PCDHGA7: variants seen among roughly 807,000 people sequenced by gnomAD.
PCDHGA7 encodes protocadherin gamma subfamily A, 7, also known as protocadherin gamma-A7.
Under a neutral mutation model 58.3 loss-of-function variants are expected in PCDHGA7, and 44 were observed. The ratio of observed to expected loss-of-function variants is 0.75; its 90% confidence interval spans 0.59 to 0.97. The LOEUF (loss-of-function observed/expected upper bound fraction) is 0.97. Ranked by LOEUF, PCDHGA7 falls within the 50% of genes least tolerant of loss-of-function variation. The pLI is 0.00. For synonymous variants in PCDHGA7, 516 were observed against 504.2 expected, an observed-to-expected ratio of 1.02 and a Z score of -0.31; for missense variants, 1,266 against 1,188.7, an observed-to-expected ratio of 1.06 and a Z score of -0.96.
At chr5:141,474,212 C>T (rs892802269) in intron 1 of PCDHGA7, among the ~76,000 whole-genome samples, 5 of 152,078 alleles carry the variant, frequency 3.3e-5, no homozygotes, top group African/African-American at 1.2e-4. Flanking sequence ...TTTCAAAAAC[C>T]AGATTGTGAA....
chr5:141,419,067 A>C (rs2096321794), intron 1 of PCDHGA7: 2 of 1,613,956 alleles, frequency 1.2e-6, no homozygotes, highest in African/African-American at 1.3e-5. Flanking sequence ...AATTACTACA[A>C]GCTAGTAACA....
chr5:141,393,858 A>C lies in PCDHGA7; in HGVS notation c.2424+8535A>C, dbSNP rs777304987. 5 of 1,613,912 alleles carry C rather than the reference A, an allele frequency of 3.1e-6. No homozygotes were observed. The South Asian group carries it at 3.3e-5, about 11-fold the overall frequency. Reference sequence around the variant, plus strand: ...AAATGACAATAGACCAGAAGTGATCATTACGTCTTTGTTTAGCCCAGTGTT... The same window carrying C: ...AAATGACAATAGACCAGAAGTGATCCTTACGTCTTTGTTTAGCCCAGTGTT... On this transcript the variant is annotated intron_variant, in intron 1 of 3. Coordinates refer to ENST00000518325, the MANE Select transcript of PCDHGA7 (RefSeq NM_018920.4).
chr5:141,403,377 T>A, intron 1 of PCDHGA7: 1 of 1,614,016 alleles, frequency 6.2e-7, no homozygotes. Flanking sequence ...GAAGTAAAAA[T>A]TAACGAAATC....
Position 141,383,346 on chromosome 5 carries a change from G to A in PCDHGA7, c.447G>A (p.Gly149=). 1.9e-6 allele frequency: 3 copies of A among 1,614,018 alleles called. No homozygotes were observed. Among genetic ancestry groups the A allele is most frequent in the Non-Finnish European group, 2.5e-6 (3 of 1,179,894 alleles). ...AAATAATGGAGAATACAGCTCCTGG[G>A]GTTCGGTTTCCGTTAAGCGAGGCTG... ...NVKIMENTAP[G]VRFPLSEAGD... is the part of the protein sequence containing the mutation. The change falls in exon 1 of 4, where the codon GGG becomes GGA. Residue 149 remains glycine, a synonymous_variant. Transcript: ENST00000518325.
chr5:141,488,564 G>A (rs1047904416), intron 1 of PCDHGA7, among the ~76,000 whole-genome samples: 4 of 152,154 alleles, frequency 2.6e-5, no homozygotes, highest in Non-Finnish European at 5.9e-5. Context: ...TGAGATTTCC[G>A]CAAAGCATTG....
At chr5:141,415,264 C>G (rs1342050986) in intron 1 of PCDHGA7, 2 of 1,614,210 alleles carry the variant, frequency 1.2e-6, no homozygotes, top group Non-Finnish European at 1.7e-6. Flanking sequence ...CACTCTGTAC[C>G]TGGTGGTAGC....
chr5:141,454,625 C>G (rs1193628253), intron 1 of PCDHGA7, among the ~76,000 whole-genome samples: 1 of 151,512 alleles, frequency 6.6e-6, no homozygotes, highest in Admixed American at 6.6e-5. Context: ...AGGCTGGTCT[C>G]GAACCCCCAA....
At position 141,432,612 on chromosome 5, in the gene PCDHGA7, C is replaced by A. The variant is rs752901891; in HGVS notation, c.2424+47289C>A. On this transcript the variant is annotated intron_variant, in intron 1 of 3. Transcript: ENST00000518325. This position sits in a 1 kb window ranked among gnomAD's most constrained non-coding sequence, Gnocchi z 6.0. ...AAGGCCAGCGAGCCGGGACTCTTCT[C>A]GGTGGGTCTGCACACGGGCGAGGTG... 1 of 1,613,912 alleles carries A rather than the reference C, an allele frequency of 6.2e-7. No individual in the cohort carries two copies. The highest frequency in any genetic ancestry group is 1.1e-5 in the South Asian group (1 of 91,062).
intron 1 of PCDHGA7, among the ~76,000 whole-genome samples, chr5:141,460,976 T>C (rs1444476508): frequency 7.6e-6 from 1 of 131,636 alleles, no homozygotes; most frequent in Non-Finnish European, 1.6e-5. Flanking sequence ...TGTGTGTGTG[T>C]GTGTGTGTAT....
In PCDHGA7 at chr5:141,447,157, T is replaced by A. The variant is rs569196292; in HGVS notation, c.2425-47650T>A. On this transcript the variant is annotated intron_variant, in intron 1 of 3. Transcript: ENST00000518325. The stretch of plus-strand genomic sequence containing the variant: ...TTTGTTTTTTGTTTTTGTTTTTGTT[T>A]AAGCGGGGTCTTGCTCTTGTCGCGC... Among the ~76,000 whole-genome samples the A allele has an allele frequency of 4.1e-4, 62 of 152,254 alleles. No homozygotes were observed. The South Asian group carries it at 0.013, about 31-fold the overall frequency.
At chr5:141,452,076 G>A (rs978382005) in intron 1 of PCDHGA7, among the ~76,000 whole-genome samples, 3 of 152,092 alleles carry the variant, frequency 2.0e-5, no homozygotes, top group Non-Finnish European at 2.9e-5. Flanking sequence ...TTATTAGTTG[G>A]CATTATACAG....
intron 1 of PCDHGA7, among the ~76,000 whole-genome samples, chr5:141,473,871 T>A (rs2099330260): frequency 1.3e-5 from 2 of 152,190 alleles, no homozygotes; most frequent in Admixed American, 6.5e-5. Context: ...TTGTGGAGAA[T>A]GCATACACAA....
chr5:141,429,487 C>G (rs2097218311), intron 1 of PCDHGA7, among the ~76,000 whole-genome samples: 1 of 151,822 alleles, frequency 6.6e-6, no homozygotes, highest in Non-Finnish European at 1.5e-5. Flanking sequence ...GTAGCTGAGA[C>G]TACAGTTGCC....
At position 141,490,502 on chromosome 5, in the gene PCDHGA7, T is replaced by C. The variant is rs1408615048; in HGVS notation, c.2425-4305T>C. On this transcript the variant is annotated intron_variant, in intron 1 of 3. Transcript: ENST00000518325. The surrounding 1 kb of genome is among the most constrained non-coding windows in gnomAD (Gnocchi z 5.4). Reference sequence around the variant, plus strand: ...GACCGGGAGGCCACATCCCACTATATCATCGAGCTGCTGGCCAGCGATGCT... The same window carrying C: ...GACCGGGAGGCCACATCCCACTATACCATCGAGCTGCTGGCCAGCGATGCT... 1.2e-6 allele frequency: 2 copies of C among 1,614,094 alleles called. No individual in the cohort carries two copies. The highest frequency in any genetic ancestry group is 1.1e-5 in the South Asian group (1 of 91,076).
intron 1 of PCDHGA7, among the ~76,000 whole-genome samples, chr5:141,468,131 C>A (rs1006565854): frequency 1.3e-5 from 2 of 151,650 alleles, no homozygotes; most frequent in South Asian, 4.2e-4. Context: ...TTGAGACCAG[C>A]CTGGCCAACA....
At position 141,491,201 on chromosome 5, in the gene PCDHGA7, C is replaced by T. The variant is rs752813291; in HGVS notation, c.2425-3606C>T. The T allele has an allele frequency of 3.7e-6, 6 of 1,614,226 alleles. No homozygotes were observed. The Admixed American group carries it at 5.0e-5, about 13-fold the overall frequency. On this transcript the variant is annotated intron_variant, in intron 1 of 3. Transcript: ENST00000518325. This position sits in a 1 kb window ranked among gnomAD's most constrained non-coding sequence, Gnocchi z 6.9. ...GTCCTGGTGAGGGACAATGGTGACCCTTCACTCTCCTCCACAGCCACAGTG... is the reference window on the plus strand; with the variant it reads ...GTCCTGGTGAGGGACAATGGTGACCTTTCACTCTCCTCCACAGCCACAGTG...
intron 1 of PCDHGA7, chr5:141,478,233 T>G: frequency 6.2e-7 from 1 of 1,614,126 alleles, no homozygotes. Context: ...GTGGGGTTTG[T>G]GGTCACAGTG....
At chr5:141,425,686 A>C (rs1026122573) in intron 1 of PCDHGA7, among the ~76,000 whole-genome samples, 4 of 152,252 alleles carry the variant, frequency 2.6e-5, no homozygotes, top group Non-Finnish European at 5.9e-5. Context: ...AATACTGCAT[A>C]TCATTTCATA....
At chr5:141,393,442 T>G (rs932289283) in intron 1 of PCDHGA7, 3 of 1,614,056 alleles carry the variant, frequency 1.9e-6, no homozygotes, top group Non-Finnish European at 2.5e-6. Context: ...GCTCACCACC[T>G]GGTCCTCACG....
Sources: allele counts gnomAD v4.1 joint callset (sites outside exome capture counted in the v4.1 genomes callset), GRCh38; gene constraint gnomAD v4.1.1; non-coding constraint Gnocchi (gnomAD v3.1); transcripts MANE v1.5; gene names NCBI Gene and HGNC (gene_info 2026-07-23, HGNC 2026-07-21).